The following FERMT2 variants were observed in gnomAD, a reference collection of about 807,000 sequenced individuals.
FERMT2 encodes the protein FERM domain containing kindlin 2.
In FERMT2, 15 loss-of-function variants were observed where a neutral mutation model predicts 82.7. That is an observed-to-expected ratio of 0.18 (90% CI 0.12 to 0.28). FERMT2 has a LOEUF of 0.28. FERMT2 is among the 10% of genes least tolerant of loss of function. The pLI, the probability that FERMT2 is intolerant of heterozygous loss-of-function variation, is 1.00. For missense variants in FERMT2, 645 were observed against 809.4 expected (o/e 0.80, Z 2.46); for synonymous variants, 274 against 271.5 (o/e 1.01, Z -0.09).
At chr14:52,867,703 C>T (rs1185699152) in intron 10 of FERMT2, among the ~76,000 whole-genome samples, 1 of 152,144 alleles carries the variant, frequency 6.6e-6, no homozygotes, top group Non-Finnish European at 1.5e-5. Flanking sequence ...ATCCCACAGG[C>T]ACCTCAAATT....
intron 2 of FERMT2, among the ~76,000 whole-genome samples, chr14:52,924,560 T>C (rs1369607708): frequency 2.0e-5 from 3 of 152,038 alleles, no homozygotes; most frequent in Non-Finnish European, 4.4e-5. Context: ...TTTGAAGAAG[T>C]GTGGTGATGG....
intron 3 of FERMT2, among the ~76,000 whole-genome samples, chr14:52,917,221 T>C (rs1888662943): frequency 6.6e-6 from 1 of 152,138 alleles, no homozygotes; most frequent in Non-Finnish European, 1.5e-5. Context: ...AATACCTACG[T>C]GGTAATGGCA....
intron 6 of FERMT2, 32 bp downstream of exon 6, chr14:52,881,004 A>G (rs575999219): frequency 1.4e-4 from 156 of 1,093,054 alleles, no homozygotes; most frequent in East Asian, 7.5e-4. Flanking sequence ...ATTAATGGGG[A>G]AAAAAAAAAG....
chr14:52,918,797 A>G (rs1888773513), intron 3 of FERMT2, among the ~76,000 whole-genome samples: 1 of 152,220 alleles, frequency 6.6e-6, no homozygotes, highest in African/African-American at 2.4e-5. Flanking sequence ...CTAAAATCAA[A>G]TAGTGACTTA....
Position 52,875,333 on chromosome 14 carries a change from T to C in FERMT2, c.988A>G (p.Met330Val). ...LQYHINKLSIMTSENHLNNSD... is the reference protein window; with the variant it reads ...LQYHINKLSIVTSENHLNNSD... ...TTGTTCAAATGATTCTCTGATGTCA[T>C]GATTGACAGCTTATTGATATGATAC... The change falls in exon 8 of 15, where the codon ATG (methionine) becomes GTG (valine). Residue 330 changes from methionine to valine, a missense_variant. Coordinates refer to ENST00000341590, the MANE Select transcript of FERMT2 (RefSeq NM_006832.3). 3 of 1,606,396 alleles carry C rather than the reference T, an allele frequency of 1.9e-6. No homozygotes were observed. The highest frequency in any genetic ancestry group is 2.6e-6 in the Non-Finnish European group (3 of 1,173,732).
At chr14:52,882,688 C>T (rs1886360699) in intron 4 of FERMT2, among the ~76,000 whole-genome samples, 1 of 152,072 alleles carries the variant, frequency 6.6e-6, no homozygotes, top group African/African-American at 2.4e-5. Context: ...TCCTTTCCTA[C>T]TATTTTTAAC....
intron 2 of FERMT2, among the ~76,000 whole-genome samples, chr14:52,946,356 T>C (rs1163127646): frequency 6.6e-6 from 1 of 151,118 alleles, no homozygotes; most frequent in Non-Finnish European, 1.5e-5. Context: ...AATTTGTCTT[T>C]GATTAAAAAA....
At position 52,877,753 on chromosome 14, in the gene FERMT2, TTCAACTGAATG is replaced by T. The variant is rs1886058921; in HGVS notation, c.963+818_963+828del. The stretch of plus-strand genomic sequence containing the variant: ...AAATCCCTTCTACAGTGAAAAGTTC[TTCAACTGAATG>T]TCAACTCTGCTTCCTGTACTTCTGT... On this transcript the variant is annotated intron_variant, in intron 7 of 14. Coordinates refer to ENST00000341590, the MANE Select transcript of FERMT2 (RefSeq NM_006832.3). Among the ~76,000 whole-genome samples the T allele has an allele frequency of 2.0e-5, 3 of 152,072 alleles. No homozygotes were observed. The East Asian group carries it at 5.8e-4, about 29-fold the overall frequency.
chr14:52,890,390 G>A (rs1484193368), intron 4 of FERMT2, among the ~76,000 whole-genome samples: 8 of 147,560 alleles, frequency 5.4e-5, no homozygotes, highest in Non-Finnish European at 1.0e-4. Context: ...GTTGCAGTGA[G>A]CCGAGATCGC....
intron 6 of FERMT2, 43 bp from the exon 7 acceptor site, chr14:52,878,732 C>A: frequency 9.7e-7 from 1 of 1,035,698 alleles, no homozygotes; most frequent in Non-Finnish European, 1.4e-6. Context: ...ATAACCTTTA[C>A]CATTGAAAAA....
chr14:52,887,430 T>C (rs1886678456), intron 4 of FERMT2, among the ~76,000 whole-genome samples: 1 of 151,948 alleles, frequency 6.6e-6, no homozygotes, highest in South Asian at 2.1e-4. Context: ...GGAGGATCAC[T>C]TGAGCCCAGA....
chr14:52,902,618 C>T (rs1887717770), intron 3 of FERMT2, among the ~76,000 whole-genome samples: 1 of 151,636 alleles, frequency 6.6e-6, no homozygotes. Flanking sequence ...CCTGTAATCC[C>T]AGCACTTTGG....
intron 2 of FERMT2, among the ~76,000 whole-genome samples, chr14:52,944,212 T>TA (rs977770433): frequency 6.6e-6 from 1 of 152,220 alleles, no homozygotes; most frequent in Non-Finnish European, 1.5e-5. Flanking sequence ...TGAGTAAACT[T>TA]ACTATCAGAT....
chr14:52,902,892 CCCCA>C (rs1887753138), intron 3 of FERMT2, among the ~76,000 whole-genome samples: 2 of 36,756 alleles, frequency 5.4e-5, no homozygotes, highest in African/African-American at 9.0e-5. Flanking sequence ...AAAAAAAAAA[CCCCA>C]AAACACTGAA....
intron 13 of FERMT2, 51 bp from the exon 14 acceptor site, chr14:52,859,765 T>C: frequency 8.8e-7 from 1 of 1,140,972 alleles, no homozygotes; most frequent in Non-Finnish European, 1.2e-6. Flanking sequence ...GGGGAACATG[T>C]TGGACTGCTT....
At chr14:52,943,404 T>C (rs1890185642) in intron 2 of FERMT2, among the ~76,000 whole-genome samples, 1 of 152,172 alleles carries the variant, frequency 6.6e-6, no homozygotes, top group African/African-American at 2.4e-5. Flanking sequence ...TATAATCTCC[T>C]GTAGCTCCAC....
At chr14:52,945,364 G>A (rs184482104) in intron 2 of FERMT2, among the ~76,000 whole-genome samples, 148 of 151,394 alleles carry the variant, frequency 9.8e-4, no homozygotes, top group Middle Eastern at 6.8e-3. Flanking sequence ...GATTCTCCTG[G>A]CTCAGCCTGA....
chr14:52,892,784 T>C (rs980112379), intron 4 of FERMT2, among the ~76,000 whole-genome samples: 1 of 152,170 alleles, frequency 6.6e-6, no homozygotes, highest in African/African-American at 2.4e-5. Flanking sequence ...AATAATGCAT[T>C]AACCAAATAG....
At chr14:52,949,414 C>T (rs1890511000) in intron 2 of FERMT2, among the ~76,000 whole-genome samples, 1 of 149,086 alleles carries the variant, frequency 6.7e-6, no homozygotes, top group African/African-American at 2.5e-5. Flanking sequence ...CGAAAAAAAC[C>T]CCCAGAAAGT....
Sources: allele counts gnomAD v4.1 joint callset (sites outside exome capture counted in the v4.1 genomes callset), GRCh38; gene constraint gnomAD v4.1.1; transcripts MANE v1.5; gene names NCBI Gene and HGNC (gene_info 2026-07-23, HGNC 2026-07-21).